The following FNBP1L variants were observed in gnomAD, a reference collection of about 807,000 sequenced individuals.
FNBP1L encodes formin binding protein 1 like.
FNBP1L carries 36 observed loss-of-function variants against 91.2 expected under a neutral mutation model. That is an observed-to-expected ratio of 0.39 (90% CI 0.30 to 0.52). FNBP1L has a LOEUF of 0.52. Ranked by LOEUF, FNBP1L falls within the 20% of genes least tolerant of loss-of-function variation. FNBP1L has a pLI of 0.66. For missense variants in FNBP1L, 571 were observed against 732.1 expected (o/e 0.78, Z 2.54); for synonymous variants, 242 against 237.0 (o/e 1.02, Z -0.19).
At chr1:93,551,620 A>G (rs979377372) in intron 16 of FNBP1L, 2 of 984,302 alleles carry the variant, frequency 2.0e-6, no homozygotes, top group African/African-American at 3.5e-5. Flanking sequence ...TTAGTAAAAT[A>G]ATAACATCAT....
chr1:93,530,838 A>C lies in FNBP1L; in HGVS notation c.594A>C (p.Gly198=). The C allele has an allele frequency of 1.3e-6, 2 of 1,558,274 alleles. No homozygotes were observed. The highest frequency in any genetic ancestry group is 8.7e-7 in the Non-Finnish European group (1 of 1,149,112). The part of the protein sequence containing the change: ...EYAAQLQNFN[G]EQHKHFYVVI... ...CTGCACAATTACAAAACTTTAATGGAGAACAACATAAACATTTTTATGTAG... is the reference window on the plus strand; with the variant it reads ...CTGCACAATTACAAAACTTTAATGGCGAACAACATAAACATTTTTATGTAG... The change falls in exon 7 of 17, where the codon GGA becomes GGC. Residue 198 remains glycine, a synonymous_variant. Coordinates refer to ENST00000271234, the MANE Select transcript of FNBP1L (RefSeq NM_001164473.3).
At chr1:93,511,268 T>C (rs923472389) in intron 2 of FNBP1L, among the ~76,000 whole-genome samples, 7 of 152,108 alleles carry the variant, frequency 4.6e-5, no homozygotes, top group African/African-American at 1.7e-4. Context: ...CAGCAGAAAC[T>C]CTACAAGCCA....
At chr1:93,548,674 G>A (rs1267578943) in intron 14 of FNBP1L, among the ~76,000 whole-genome samples, 2 of 152,110 alleles carry the variant, frequency 1.3e-5, no homozygotes, top group Non-Finnish European at 2.9e-5. Context: ...TTTCTACTGT[G>A]TTGGCTTCCT....
At position 93,532,944 on chromosome 1, in the gene FNBP1L, G is replaced by A. The variant is rs760314460; in HGVS notation, c.662G>A (p.Arg221Gln). 4.1e-5 allele frequency: 65 copies of A among 1,604,064 alleles called. No individual in the cohort carries two copies. Among genetic ancestry groups the A allele is most frequent in the Non-Finnish European group, 5.0e-5 (59 of 1,175,030 alleles). ...IYKQLQEMDE[R>Q]RTIKLSECYR... ...TAGCAACTACAAGAAATGGACGAACGAAGGACTATTAAACTCAGTGAGTGT... is the reference window on the plus strand; with the variant it reads ...TAGCAACTACAAGAAATGGACGAACAAAGGACTATTAAACTCAGTGAGTGT... The change falls in exon 8 of 17, where the codon CGA becomes CAA. Residue 221 changes from arginine (R) to glutamine (Q), a missense_variant. Arg to Gln is a conservative substitution (Grantham distance 43). Transcript: ENST00000271234.
intron 11 of FNBP1L, 26 bp from the exon 12 acceptor site, chr1:93,544,081 T>C (rs1672137784): frequency 1.3e-6 from 2 of 1,519,668 alleles, no homozygotes; most frequent in African/African-American, 2.8e-5. Flanking sequence ...AAATGTCTAT[T>C]ATAATGATTT....
chr1:93,511,112 A>G (rs1337807321), intron 2 of FNBP1L, among the ~76,000 whole-genome samples: 3 of 152,208 alleles, frequency 2.0e-5, no homozygotes, highest in Non-Finnish European at 4.4e-5. Context: ...GAATGCCACA[A>G]AGATACTTCT....
chr1:93,544,223 T>A lies in FNBP1L; in HGVS notation c.1274+7T>A, dbSNP rs139389432. The A allele has an allele frequency of 1.2e-4, 197 of 1,586,072 alleles. No individual in the cohort carries two copies. The highest frequency in any genetic ancestry group is 1.7e-4 in the Non-Finnish European group (192 of 1,159,192). ...AGAAAGAATCAGACCAAAAGTATTA[T>A]TCCTTTAAGTTTTCTCTATCATTAT... On this transcript the variant is annotated splice_region_variant and intron_variant, in intron 12 of 16. Coordinates refer to ENST00000271234, the MANE Select transcript of FNBP1L (RefSeq NM_001164473.3).
rs534427171 is a variant in FNBP1L, at chr1:93,502,024, A to T, written c.140+2441A>T. 5.9e-4 allele frequency among the ~76,000 whole-genome samples: 90 copies of T among 152,292 alleles called. 1 individual carries two copies. Among genetic ancestry groups the T allele is most frequent in the African/African-American group, 2.0e-3 (85 of 41,572 alleles). On this transcript the variant is annotated intron_variant, in intron 2 of 16. Transcript: ENST00000271234. The stretch of plus-strand genomic sequence containing the variant: ...AAAAGACTGTGGTAGATAAAGTTTT[A>T]AAAAAATCAGGTGTACCAGCATTTT...
chr1:93,517,640 A>C (rs999571577), intron 2 of FNBP1L, among the ~76,000 whole-genome samples: 2 of 152,248 alleles, frequency 1.3e-5, no homozygotes, highest in African/African-American at 2.4e-5. Flanking sequence ...CATTCCAATA[A>C]AATTTTGTTT....
intron 11 of FNBP1L, chr1:93,543,903 T>C (rs970230789): frequency 1.6e-5 from 5 of 314,682 alleles, no homozygotes; most frequent in Non-Finnish European, 3.0e-5. Context: ...AAATTTGAGC[T>C]CTTTTCTTCA....
intron 1 of FNBP1L, among the ~76,000 whole-genome samples, chr1:93,461,290 T>C (rs1214773536): frequency 6.6e-6 from 1 of 152,146 alleles, no homozygotes; most frequent in African/African-American, 2.4e-5. Context: ...CTTCCCAGGG[T>C]AGAAGCAAGT....
chr1:93,465,193 TG>T (rs35355479), intron 1 of FNBP1L, among the ~76,000 whole-genome samples: 125,816 of 138,562 alleles, frequency 0.91, 57,361 homozygotes, highest in East Asian at 0.96. Context: ...GTCTCTTTTT[TG>T]GGGGGGGGGG....
At position 93,506,064 on chromosome 1, in the gene FNBP1L, C is replaced by T. The variant is rs369424780; in HGVS notation, c.140+6481C>T. 4.3e-4 allele frequency among the ~76,000 whole-genome samples: 65 copies of T among 152,260 alleles called. No homozygotes were observed. In the East Asian group the frequency reaches 0.011, roughly 26 times the overall value. Reference sequence around the variant, plus strand: ...TTCGTGGCCGAAAGTGATGGAACTCCAGCTTGAGCTAATTTAAGTATAATG... The same window carrying T: ...TTCGTGGCCGAAAGTGATGGAACTCTAGCTTGAGCTAATTTAAGTATAATG... On this transcript the variant is annotated intron_variant, in intron 2 of 16. Coordinates refer to ENST00000271234, the MANE Select transcript of FNBP1L (RefSeq NM_001164473.3).
At chr1:93,471,075 A>G (rs545233959) in intron 1 of FNBP1L, among the ~76,000 whole-genome samples, 5 of 152,214 alleles carry the variant, frequency 3.3e-5, no homozygotes, top group Admixed American at 6.5e-5. Context: ...GTACTTATTT[A>G]CTCATTTATA....
At chr1:93,511,132 C>G (rs1670823655) in intron 2 of FNBP1L, among the ~76,000 whole-genome samples, 1 of 152,114 alleles carries the variant, frequency 6.6e-6, no homozygotes, top group African/African-American at 2.4e-5. Flanking sequence ...TCGAGAAGAG[C>G]AACTCCAAGA....
rs537590694 is a variant in FNBP1L at position 93,546,342 on chromosome 1, A to G, written c.1275-500A>G. On this transcript the variant is annotated intron_variant, in intron 12 of 16. Transcript: ENST00000271234. Reference sequence around the variant, plus strand: ...CAACCGATTGTAATATGATTAGAGAATAGGAGGTAGGTTGAGAGGAATTGG... The same window carrying G: ...CAACCGATTGTAATATGATTAGAGAGTAGGAGGTAGGTTGAGAGGAATTGG... Among the ~76,000 whole-genome samples, 5 of 152,212 alleles carry G rather than the reference A, an allele frequency of 3.3e-5. No individual in the cohort carries two copies. The South Asian group carries it at 1.0e-3, about 32-fold the overall frequency.
chr1:93,493,815 G>A (rs1368901624), intron 1 of FNBP1L, among the ~76,000 whole-genome samples: 1 of 152,070 alleles, frequency 6.6e-6, no homozygotes, highest in Non-Finnish European at 1.5e-5. Context: ...TATGAATATG[G>A]GTTACTGGAA....
intron 1 of FNBP1L, among the ~76,000 whole-genome samples, chr1:93,479,075 C>T (rs1043005178): frequency 1.3e-5 from 2 of 152,214 alleles, no homozygotes; most frequent in African/African-American, 4.8e-5. Context: ...TTTCTATTTT[C>T]CCTGTCGGCC....
chr1:93,548,186 G>A (rs371695376), intron 14 of FNBP1L, among the ~76,000 whole-genome samples: 2 of 152,116 alleles, frequency 1.3e-5, no homozygotes, highest in African/African-American at 4.8e-5. Flanking sequence ...TCTTTAATCT[G>A]TTAAGAGATA....
Sources: gnomAD v4.1 joint callset for allele counts (sites outside exome capture counted in the v4.1 genomes callset) on GRCh38, gnomAD v4.1.1 for gene constraint, MANE v1.5 for transcripts, NCBI Gene and HGNC (gene_info 2026-07-23, HGNC 2026-07-21) for gene names.